Variants in SRGAP3 observed in about 807,000 individuals in gnomAD.
The protein encoded by SRGAP3 is SLIT-ROBO Rho GTPase-activating protein 3.
A neutral mutation model predicts 121.1 loss-of-function variants in SRGAP3; 39 were observed. That is an observed-to-expected ratio of 0.32 (90% CI 0.25 to 0.42). The LOEUF is 0.42. Ranked by LOEUF, SRGAP3 falls within the 10% of genes least tolerant of loss-of-function variation. The pLI is 1.00. For missense variants in SRGAP3, 1,213 were observed against 1,470.6 expected (o/e 0.82, Z 2.86); for synonymous variants, 601 against 570.0 (o/e 1.05, Z -0.77).
chr3:9,331,361 G>A (rs535186527), intron 1 of SRGAP3, among the ~76,000 whole-genome samples: 2 of 152,286 alleles, frequency 1.3e-5, no homozygotes, highest in East Asian at 3.9e-4. Context: ...GATGAAGCTT[G>A]GGGCCATATG....
chr3:9,134,866 T>C (rs1949586883), intron 1 of SRGAP3, among the ~76,000 whole-genome samples: 1 of 152,194 alleles, frequency 6.6e-6, no homozygotes, highest in Non-Finnish European at 1.5e-5. Context: ...TAGCGGGCTC[T>C]GGGTTCACCT....
intron 3 of SRGAP3, among the ~76,000 whole-genome samples, chr3:9,325,786 T>C (rs897533857): frequency 6.6e-6 from 1 of 152,002 alleles, no homozygotes; most frequent in Non-Finnish European, 1.5e-5. Context: ...TATTCATGTA[T>C]AAGGCTGGCT....
intron 1 of SRGAP3, among the ~76,000 whole-genome samples, chr3:9,331,002 CCA>C (rs1412027864): frequency 1.3e-5 from 2 of 152,192 alleles, no homozygotes; most frequent in Admixed American, 1.3e-4. Context: ...CCTTCTCAGA[CCA>C]TATTTAGTTT....
intron 3 of SRGAP3, among the ~76,000 whole-genome samples, chr3:9,256,474 G>T (rs913387408): frequency 2.0e-4 from 30 of 151,496 alleles, no homozygotes; most frequent in African/African-American, 7.0e-4. Flanking sequence ...TGGAGAGTTA[G>T]CTGGCCCTGT....
intron 3 of SRGAP3, among the ~76,000 whole-genome samples, chr3:9,302,169 G>A (rs1336429291): frequency 6.6e-6 from 1 of 152,180 alleles, no homozygotes; most frequent in Non-Finnish European, 1.5e-5. Context: ...AACTTAGTGA[G>A]CCCCCAGGGC....
chr3:9,257,006 T>C (rs1954145170), intron 3 of SRGAP3: 1 of 396,602 alleles, frequency 2.5e-6, no homozygotes, highest in Non-Finnish European at 4.4e-6. Context: ...ACCCAGTAAG[T>C]GCCACATAAG....
chr3:9,295,669 T>C (rs1245243985), intron 3 of SRGAP3, among the ~76,000 whole-genome samples: 1 of 152,208 alleles, frequency 6.6e-6, no homozygotes, highest in Non-Finnish European at 1.5e-5. Flanking sequence ...ATTTTAACCA[T>C]TTTTAAGTGT....
At chr3:9,115,038 A>G (rs1480352389) in intron 2 of SRGAP3, among the ~76,000 whole-genome samples, 2 of 152,238 alleles carry the variant, frequency 1.3e-5, no homozygotes, top group African/African-American at 2.4e-5. Flanking sequence ...TAGCACAGGT[A>G]AGTGGCAGAC....
intron 1 of SRGAP3, among the ~76,000 whole-genome samples, chr3:9,178,835 G>A (rs986322607): frequency 9.2e-5 from 14 of 152,288 alleles, no homozygotes; most frequent in Non-Finnish European, 1.6e-4. Flanking sequence ...TTCCGCCCTA[G>A]ACCCGGAGAT....
At chr3:9,131,303 G>T (rs764545252) in intron 1 of SRGAP3, among the ~76,000 whole-genome samples, 2 of 152,064 alleles carry the variant, frequency 1.3e-5, no homozygotes, top group African/African-American at 4.8e-5. Context: ...TGGCAAGGAG[G>T]GAAAGGGGTT....
chr3:9,342,350 CAAAAAA>C (rs5741610), intron 1 of SRGAP3, among the ~76,000 whole-genome samples: 1 of 144,778 alleles, frequency 6.9e-6, no homozygotes, highest in African/African-American at 2.5e-5. Context: ...GACTCCATCT[CAAAAAA>C]AAAAAAAGGA....
chr3:9,149,792 G>A (rs1419928498), intron 1 of SRGAP3, among the ~76,000 whole-genome samples: 1 of 152,200 alleles, frequency 6.6e-6, no homozygotes, highest in Non-Finnish European at 1.5e-5. Flanking sequence ...ATAAATACCT[G>A]TTACTGATGT....
chr3:9,198,071 T>TATC (rs1560398718), intron 1 of SRGAP3, among the ~76,000 whole-genome samples: 1 of 152,222 alleles, frequency 6.6e-6, no homozygotes, highest in Non-Finnish European at 1.5e-5. Context: ...TAAACTGTGT[T>TATC]ATCATACAGG....
chr3:8,993,101 AC>A (rs1450343604), intron 19 of SRGAP3, 46 bp from the exon 20 acceptor site: 9 of 1,611,270 alleles, frequency 5.6e-6, no homozygotes, highest in Non-Finnish European at 7.6e-6. Flanking sequence ...CCCCCAAAGA[AC>A]CCAGCATATA....
At chr3:9,164,614 T>A (rs1950719793) in intron 1 of SRGAP3, among the ~76,000 whole-genome samples, 1 of 152,194 alleles carries the variant, frequency 6.6e-6, no homozygotes, top group Non-Finnish European at 1.5e-5. Context: ...TTACAAAATT[T>A]ACACACACTC....
intron 1 of SRGAP3, among the ~76,000 whole-genome samples, chr3:9,216,049 C>G (rs1221145676): frequency 6.6e-6 from 1 of 151,946 alleles, no homozygotes; most frequent in Non-Finnish European, 1.5e-5. Context: ...CACATGTATA[C>G]ATATATATAT....
chr3:8,992,278 TTTC>T (rs1170396484), intron 20 of SRGAP3, among the ~76,000 whole-genome samples: 2 of 152,226 alleles, frequency 1.3e-5, no homozygotes, highest in African/African-American at 4.8e-5. Flanking sequence ...TTTCTTTTCT[TTTC>T]TTCTTATTTC....
rs553759944 is a variant in SRGAP3, at chr3:9,331,368, T to C, written n.215-772A>G. 2.0e-5 allele frequency among the ~76,000 whole-genome samples: 3 copies of C among 152,316 alleles called. No homozygotes were observed. The East Asian group carries it at 5.8e-4, about 29-fold the overall frequency. On this transcript the variant is annotated intron_variant and non_coding_transcript_variant, in intron 1 of 3. Transcript: ENST00000490889. ...GATGAAGAGATGAAGCTTGGGGCCA[T>C]ATGATGGGGACTGACTTTGGAATGC...
intron 1 of SRGAP3, among the ~76,000 whole-genome samples, chr3:9,178,094 C>T (rs1951244648): frequency 6.6e-6 from 1 of 152,014 alleles, no homozygotes; most frequent in Non-Finnish European, 1.5e-5. Flanking sequence ...ATGGTGAAAC[C>T]CTGTCTCTAC....
Sources: allele counts gnomAD v4.1 joint callset (sites outside exome capture counted in the v4.1 genomes callset), GRCh38; gene constraint gnomAD v4.1.1; transcripts MANE v1.5; gene names NCBI Gene and HGNC (gene_info 2026-07-23, HGNC 2026-07-21).